The following NOSTRIN variants were observed in gnomAD, a reference collection of about 807,000 sequenced individuals.
The protein encoded by NOSTRIN is BM247 homolog.
Under a neutral mutation model 59.0 loss-of-function variants are expected in NOSTRIN, and 63 were observed. That is an observed-to-expected ratio of 1.07 (90% CI 0.87 to 1.32). The LOEUF (loss-of-function observed/expected upper bound fraction) is 1.32, where lower values mean the gene tolerates loss of function less well. Ranked by LOEUF, NOSTRIN falls within the 40% of genes most tolerant of loss-of-function variation. The pLI, the probability that NOSTRIN is intolerant of heterozygous loss-of-function variation, is 0.00. For synonymous variants in NOSTRIN, 200 were observed against 165.4 expected, an observed-to-expected ratio of 1.21 and a Z score of -1.61; for missense variants, 512 against 473.1, an observed-to-expected ratio of 1.08 and a Z score of -0.76.
Position 168,817,301 on chromosome 2 carries a change from G to A in NOSTRIN, c.113+5649G>A, listed in dbSNP as rs149495811. On this transcript the variant is annotated intron_variant, in intron 2 of 15. Coordinates refer to ENST00000317647, the MANE Select transcript of NOSTRIN (RefSeq NM_001039724.4). ...TCAGCCTCCTTTGCAGAGTCTTAGG[G>A]TCCTCTATGGAAAGGGACAGCAGCA... 5.2e-3 allele frequency among the ~76,000 whole-genome samples: 798 copies of A among 152,282 alleles called. 5 individuals are homozygous for A. Among genetic ancestry groups the A allele is most frequent in the Middle Eastern group, 0.024 (7 of 294 alleles).
rs75401852 is a variant in NOSTRIN, at chr2:168,821,688, G to A, written c.114-2946G>A. Among the ~76,000 whole-genome samples the A allele has an allele frequency of 4.0e-3, 606 of 152,324 alleles. 31 individuals carry two copies. In the East Asian group the frequency reaches 0.097, roughly 24 times the overall value. ...GCAAACCTCTGAGGCAGTGATGTTC[G>A]AGCAGCTCCTGTTGGGGATGACACA... On this transcript the variant is annotated intron_variant, in intron 2 of 15. Transcript: ENST00000317647.
intron 1 of NOSTRIN, among the ~76,000 whole-genome samples, chr2:168,806,226 G>T (rs117507175): frequency 6.6e-6 from 1 of 151,716 alleles, no homozygotes; most frequent in Non-Finnish European, 1.5e-5. Context: ...AAATTTAAGG[G>T]GAATATCATG....
At chr2:168,840,210 CAT>C (rs1246509170) in intron 7 of NOSTRIN, among the ~76,000 whole-genome samples, 1 of 151,896 alleles carries the variant, frequency 6.6e-6, no homozygotes, top group Non-Finnish European at 1.5e-5. Flanking sequence ...TCTACAGACA[CAT>C]GTGGTTCATT....
chr2:168,834,353 T>C, intron 7 of NOSTRIN, 28 bp downstream of exon 7: 1 of 868,580 alleles, frequency 1.2e-6, no homozygotes, highest in Non-Finnish European at 2.0e-6. Flanking sequence ...GCTGGGCGCA[T>C]GTGCCATAGA....
intron 8 of NOSTRIN, chr2:168,850,801 T>A: frequency 1.3e-6 from 1 of 766,578 alleles, no homozygotes; most frequent in Non-Finnish European, 2.2e-6. Context: ...AAATGCTTCC[T>A]TTTCTTCTTT....
At chr2:168,829,835 C>A (rs980371559) in intron 5 of NOSTRIN, among the ~76,000 whole-genome samples, 2 of 151,968 alleles carry the variant, frequency 1.3e-5, no homozygotes, top group Non-Finnish European at 1.5e-5. Flanking sequence ...AGGGAAGGGG[C>A]AGTGGTTAAG....
chr2:168,788,820 A>G (rs1056104062), intron 2 of NOSTRIN, among the ~76,000 whole-genome samples: 5 of 152,210 alleles, frequency 3.3e-5, no homozygotes, highest in African/African-American at 1.2e-4. Flanking sequence ...AGATATCAAA[A>G]TGAACACAGA....
chr2:168,828,120 G>C (rs1242455079), intron 3 of NOSTRIN, 38 bp from the exon 4 acceptor site: 1 of 872,088 alleles, frequency 1.1e-6, no homozygotes, highest in Non-Finnish European at 2.0e-6. Context: ...CTAGGAAAAT[G>C]ACACTCACCT....
upstream of NOSTRIN, chr2:168,802,522 T>C: frequency 1.4e-6 from 1 of 730,922 alleles, no homozygotes. Context: ...CCTTGGAATG[T>C]TTGACAAGGA....
intron 7 of NOSTRIN, 25 bp downstream of exon 7, chr2:168,834,350 G>A (rs554930515): frequency 1.0e-5 from 9 of 868,564 alleles, no homozygotes; most frequent in East Asian, 7.2e-5. Flanking sequence ...CTGGCTGGGC[G>A]CATGTGCCAT....
At chr2:168,834,507 GCACACACACACA>G (rs1553527194) in intron 7 of NOSTRIN, among the ~76,000 whole-genome samples, 182 bp downstream of exon 7, 1 of 125,342 alleles carries the variant, frequency 8.0e-6, no homozygotes, top group Admixed American at 7.7e-5. Context: ...GCGCGCGCGC[GCACACACACACA>G]CACACACACA....
intron 15 of NOSTRIN, chr2:168,863,520 TGTTTCTTGTCCAA>T: frequency 1.0e-6 from 1 of 985,372 alleles, no homozygotes; most frequent in Non-Finnish European, 1.2e-6. Flanking sequence ...ACAAGAGCCA[TGTTTCTTGTCCAA>T]TTCTCTATGG....
intron 8 of NOSTRIN, among the ~76,000 whole-genome samples, chr2:168,848,479 G>A (rs1172505833): frequency 1.3e-5 from 2 of 152,246 alleles, no homozygotes; most frequent in African/African-American, 4.8e-5. Context: ...AAAGTTGCAT[G>A]TGATTGGCAC....
chr2:168,859,741 A>G (rs926356186), intron 13 of NOSTRIN, 104 bp downstream of exon 13: 109 of 1,361,546 alleles, frequency 8.0e-5, no homozygotes, highest in Non-Finnish European at 1.1e-4. Flanking sequence ...TCTATGTGAT[A>G]TTAATATTCA....
intron 2 of NOSTRIN, among the ~76,000 whole-genome samples, chr2:168,816,353 C>G (rs995072814): frequency 6.6e-6 from 1 of 152,176 alleles, no homozygotes; most frequent in South Asian, 2.1e-4. Flanking sequence ...TAGCCCTCAT[C>G]ATTTTATAAA....
In NOSTRIN at chr2:168,865,150, A is replaced by T; in HGVS notation, c.*180A>T. The T allele has an allele frequency of 1.5e-6, 1 of 670,140 alleles. No homozygotes were observed. Among genetic ancestry groups the T allele is most frequent in the Non-Finnish European group, 2.4e-6 (1 of 409,358 alleles). The allele number at this position is 670,140 out of a possible 1,614,324, so 41.5% of individuals were successfully genotyped here. ...CTTGAAACAGTCAGAAAAAAGATGGATGGGTGGAGACAGACAAGGAAGAGG... is the reference window on the plus strand; with the variant it reads ...CTTGAAACAGTCAGAAAAAAGATGGTTGGGTGGAGACAGACAAGGAAGAGG... On this transcript the variant is annotated 3_prime_UTR_variant, in exon 16 of 16. Coordinates refer to ENST00000317647, the MANE Select transcript of NOSTRIN (RefSeq NM_001039724.4).
intron 1 of NOSTRIN, among the ~76,000 whole-genome samples, chr2:168,809,988 C>T (rs752029071): frequency 5.9e-5 from 9 of 151,952 alleles, no homozygotes; most frequent in Non-Finnish European, 1.2e-4. Context: ...AATCATGTTT[C>T]GGATGCAAAT....
chr2:168,855,316 T>A, intron 10 of NOSTRIN, 36 bp from the exon 11 acceptor site: 1 of 1,116,172 alleles, frequency 9.0e-7, no homozygotes, highest in Non-Finnish European at 1.3e-6. Flanking sequence ...CTCTTACTTC[T>A]TCCCCCTTGT....
At position 168,850,920 on chromosome 2, in the gene NOSTRIN, T is replaced by G. The variant is rs938799427; in HGVS notation, c.631-164T>G. ...GAGTGATTTAAGATACCAAGACACA[T>G]TCCTTCCTGGAAATCTCCCTCCACT... On this transcript the variant is annotated intron_variant, in intron 8 of 15. Coordinates refer to ENST00000317647, the MANE Select transcript of NOSTRIN (RefSeq NM_001039724.4). 17 of 800,330 alleles carry G rather than the reference T, an allele frequency of 2.1e-5. No homozygotes were observed. Among genetic ancestry groups the G allele is most frequent in the Non-Finnish European group, 3.6e-5 (17 of 471,086 alleles). 49.6% of individuals were successfully genotyped at this position (800,330 alleles called of 1,614,324 possible).
Sources: gnomAD v4.1 joint callset for allele counts (sites outside exome capture counted in the v4.1 genomes callset) on GRCh38, gnomAD v4.1.1 for gene constraint, MANE v1.5 for transcripts, NCBI Gene and HGNC (gene_info 2026-07-23, HGNC 2026-07-21) for gene names.